Variants in NALF1 observed in about 807,000 individuals in gnomAD.
NALF1 encodes the protein NALCN channel auxiliary factor 1, also known as family with sequence similarity 155 member A.
NALF1 carries 3 observed loss-of-function variants against 48.4 expected under a neutral mutation model. The ratio of observed to expected loss-of-function variants is 0.06; its 90% confidence interval spans 0.03 to 0.16. The LOEUF (loss-of-function observed/expected upper bound fraction) is 0.16, where lower values mean the gene tolerates loss of function less well. Among genes scored for constraint, NALF1 ranks in the 10% least tolerant of loss-of-function variants. The pLI is 1.00. For synonymous variants in NALF1, 262 were observed against 245.7 expected (o/e 1.07, Z -0.62); for missense variants, 526 against 571.5 (o/e 0.92, Z 0.81).
rs1386828487 is a variant in NALF1 at position 107,535,426 on chromosome 13, CCAATAACAGACAAA to C, written c.916-324685_916-324672del. On this transcript the variant is annotated intron_variant, in intron 1 of 2. Transcript: ENST00000375915. ...ATTTTTTCAAAGGCCTTCTTATACACCAATAACAGACAAACAGAGAGCCAAATCATGAGTGAACT... is the reference window on the plus strand; with the variant it reads ...ATTTTTTCAAAGGCCTTCTTATACACCAGAGAGCCAAATCATGAGTGAACT... Among the ~76,000 whole-genome samples, 38 of 152,098 alleles carry C rather than the reference CCAATAACAGACAAA, an allele frequency of 2.5e-4. 1 individual carries two copies. Among genetic ancestry groups the C allele is most frequent in the African/African-American group, 8.9e-4 (37 of 41,464 alleles).
At chr13:107,396,245 A>G (rs1191979573) in intron 1 of NALF1, among the ~76,000 whole-genome samples, 1 of 152,194 alleles carries the variant, frequency 6.6e-6, no homozygotes, top group East Asian at 1.9e-4. Flanking sequence ...CACAGGCTGT[A>G]TCTCCAAATA....
At chr13:107,246,029 C>T (rs1880576818) in intron 1 of NALF1, among the ~76,000 whole-genome samples, 1 of 152,094 alleles carries the variant, frequency 6.6e-6, no homozygotes, top group Non-Finnish European at 1.5e-5. Flanking sequence ...TTCGCAGGTA[C>T]CCAAGCGTCC....
chr13:107,817,761 C>G (rs148865177), intron 1 of NALF1, among the ~76,000 whole-genome samples: 243 of 152,290 alleles, frequency 1.6e-3, no homozygotes, highest in African/African-American at 5.2e-3. Context: ...CGCTGCACTT[C>G]CCCACATCAC....
intron 1 of NALF1, among the ~76,000 whole-genome samples, chr13:107,303,207 G>A (rs1394620568): frequency 2.6e-5 from 4 of 151,980 alleles, no homozygotes; most frequent in Admixed American, 2.0e-4. Flanking sequence ...AAATGTCTAC[G>A]TAAGTTCTTT....
chr13:107,840,120 C>T (rs577910722), intron 1 of NALF1, among the ~76,000 whole-genome samples: 11 of 152,302 alleles, frequency 7.2e-5, no homozygotes, highest in Admixed American at 1.3e-4. Flanking sequence ...CATTTCTTCA[C>T]GCATTCAATC....
chr13:107,531,787 C>T (rs1876648381), intron 1 of NALF1, among the ~76,000 whole-genome samples: 1 of 151,926 alleles, frequency 6.6e-6, no homozygotes, highest in Non-Finnish European at 1.5e-5. Flanking sequence ...TCCAGCTTCT[C>T]ATTTGCATCT....
chr13:107,583,587 A>G (rs1878373359), intron 1 of NALF1, among the ~76,000 whole-genome samples: 1 of 152,164 alleles, frequency 6.6e-6, no homozygotes, highest in African/African-American at 2.4e-5. Flanking sequence ...GAAATAAACA[A>G]ATTGTTTGAG....
intron 1 of NALF1, among the ~76,000 whole-genome samples, chr13:107,851,230 A>G (rs1049902714): frequency 6.6e-6 from 1 of 152,212 alleles, no homozygotes; most frequent in Non-Finnish European, 1.5e-5. Flanking sequence ...TCCAATTCAT[A>G]AACTAGGCAG....
chr13:107,684,146 T>C (rs945860892), intron 1 of NALF1, among the ~76,000 whole-genome samples: 11 of 152,154 alleles, frequency 7.2e-5, no homozygotes, highest in Admixed American at 1.3e-4. Context: ...AATCCACCTC[T>C]CAGCGCTCTG....
chr13:107,725,642 G>A (rs947622284), intron 1 of NALF1, among the ~76,000 whole-genome samples: 3 of 150,356 alleles, frequency 2.0e-5, no homozygotes, highest in South Asian at 2.1e-4. Flanking sequence ...TCAAGATCAC[G>A]CCAGTGCACT....
At chr13:107,215,732 T>C (rs1303411960) in intron 1 of NALF1, among the ~76,000 whole-genome samples, 1 of 152,180 alleles carries the variant, frequency 6.6e-6, no homozygotes, top group Non-Finnish European at 1.5e-5. Flanking sequence ...TATAGACAGC[T>C]GGCAGGTGTG....
chr13:107,546,075 C>T (rs909496966), intron 1 of NALF1, among the ~76,000 whole-genome samples: 1 of 152,080 alleles, frequency 6.6e-6, no homozygotes, highest in Non-Finnish European at 1.5e-5. Context: ...CGGCAGATCA[C>T]CTGAAACCGC....
intron 1 of NALF1, among the ~76,000 whole-genome samples, chr13:107,333,200 T>C (rs1882500460): frequency 6.6e-6 from 1 of 152,160 alleles, no homozygotes; most frequent in African/African-American, 2.4e-5. Context: ...CAATATATAA[T>C]GTTGATTCAT....
chr13:107,425,269 T>G (rs1371001086), intron 1 of NALF1, among the ~76,000 whole-genome samples: 1 of 152,078 alleles, frequency 6.6e-6, no homozygotes, highest in Non-Finnish European at 1.5e-5. Context: ...TGTTAGTAAT[T>G]CATCATAAAC....
Position 107,283,922 on chromosome 13 carries a change from G to A in NALF1, c.916-73167C>T, listed in dbSNP as rs550374428. The stretch of plus-strand genomic sequence containing the variant: ...GATCCACCCACCTCGGCCTCCCAAA[G>A]TGCTGATGTTCTAAACTGTCTAGGA... On this transcript the variant is annotated intron_variant, in intron 1 of 2. Coordinates refer to ENST00000375915, the MANE Select transcript of NALF1 (RefSeq NM_001080396.3). Among the ~76,000 whole-genome samples the A allele has an allele frequency of 2.6e-5, 4 of 152,196 alleles. No homozygotes were observed. The South Asian group carries it at 8.3e-4, about 32-fold the overall frequency.
At chr13:107,253,240 C>G (rs975657359) in intron 1 of NALF1, among the ~76,000 whole-genome samples, 2 of 148,298 alleles carry the variant, frequency 1.3e-5, no homozygotes, top group Non-Finnish European at 3.0e-5. Flanking sequence ...AGAGTTATTT[C>G]TTATTTCCAT....
chr13:107,327,107 A>G lies in NALF1; in HGVS notation c.916-116352T>C, dbSNP rs573239324. Among the ~76,000 whole-genome samples the G allele has an allele frequency of 2.0e-5, 3 of 152,282 alleles. No homozygotes were observed. The South Asian group carries it at 6.2e-4, about 32-fold the overall frequency. On this transcript the variant is annotated intron_variant, in intron 1 of 2. Transcript: ENST00000375915. ...TTTCACTAAATTTTTAGATGTTATG[A>G]CTTTCTTTAGGTCTAGTTGATAATT... is the stretch of plus-strand genomic sequence containing the variant.
At chr13:107,689,246 C>T (rs1393076528) in intron 1 of NALF1, among the ~76,000 whole-genome samples, 1 of 152,168 alleles carries the variant, frequency 6.6e-6, no homozygotes, top group Non-Finnish European at 1.5e-5. Context: ...TTCATCTGTT[C>T]GCCCTCTTCC....
intron 1 of NALF1, among the ~76,000 whole-genome samples, chr13:107,372,024 T>C (rs181960728): frequency 9.2e-5 from 14 of 152,296 alleles, no homozygotes; most frequent in Admixed American, 3.9e-4. Flanking sequence ...TATTTATTCT[T>C]TGAGCTGAAT....
Sources: gnomAD v4.1 joint callset for allele counts (sites outside exome capture counted in the v4.1 genomes callset) on GRCh38, gnomAD v4.1.1 for gene constraint, MANE v1.5 for transcripts, NCBI Gene and HGNC (gene_info 2026-07-23, HGNC 2026-07-21) for gene names.